The following DSCAM variants were observed in gnomAD, a reference collection of about 807,000 sequenced individuals.
DSCAM encodes the protein DS cell adhesion molecule, also known as cell adhesion molecule DSCAM.
In DSCAM, 47 loss-of-function variants were observed where a neutral mutation model predicts 217.7. The ratio of observed to expected loss-of-function variants is 0.22; its 90% CI spans 0.17 to 0.28. The LOEUF (loss-of-function observed/expected upper bound fraction) is 0.28, where lower values mean the gene tolerates loss of function less well. DSCAM is among the 10% of genes least tolerant of loss of function. The pLI is 1.00. For synonymous variants in DSCAM, 1,056 were observed against 1,015.3 expected (o/e 1.04, Z -0.76); for missense variants, 2,080 against 2,618.3 (o/e 0.79, Z 4.49).
intron 11 of DSCAM, among the ~76,000 whole-genome samples, chr21:40,210,995 C>T (rs2091177110): frequency 6.6e-6 from 1 of 152,226 alleles, no homozygotes; most frequent in African/African-American, 2.4e-5. Context: ...AGAAGAATTC[C>T]TTATTCCTAT....
intron 1 of DSCAM, among the ~76,000 whole-genome samples, chr21:40,737,458 T>C (rs992440057): frequency 4.6e-5 from 7 of 152,020 alleles, no homozygotes; most frequent in African/African-American, 1.7e-4. Context: ...GCCAACATGG[T>C]GAATCCCCAT....
Position 40,725,972 on chromosome 21 carries a change from G to A in DSCAM, c.44-17201C>T, listed in dbSNP as rs573212196. Among the ~76,000 whole-genome samples the A allele has an allele frequency of 7.2e-5, 11 of 152,236 alleles. No homozygotes were observed. In the East Asian group the frequency reaches 2.1e-3, roughly 29 times the overall value. ...AATTAAAAGGTTGCAAACTCAGAAA[G>A]AACATACGATATCCAGAAAACAGAC... On this transcript the variant is annotated intron_variant, in intron 1 of 32. Transcript: ENST00000400454.
chr21:40,035,803 A>G (rs1436632301), intron 32 of DSCAM, among the ~76,000 whole-genome samples: 1 of 145,624 alleles, frequency 6.9e-6, no homozygotes, highest in African/African-American at 2.7e-5. Flanking sequence ...AACAGAAATT[A>G]TAACAAACTA....
At chr21:40,150,718 T>C (rs998410228) in intron 16 of DSCAM, among the ~76,000 whole-genome samples, 2 of 152,172 alleles carry the variant, frequency 1.3e-5, no homozygotes, top group East Asian at 1.9e-4. Context: ...AACTGGAAAA[T>C]TGTTTTGAAT....
intron 3 of DSCAM, among the ~76,000 whole-genome samples, chr21:40,565,495 G>A (rs1435833734): frequency 6.6e-6 from 1 of 152,124 alleles, no homozygotes; most frequent in Admixed American, 6.5e-5. Context: ...ATAGAAATAG[G>A]TCACACATAA....
At chr21:40,291,402 C>T (rs1021659950) in intron 10 of DSCAM, among the ~76,000 whole-genome samples, 1 of 152,202 alleles carries the variant, frequency 6.6e-6, no homozygotes, top group Non-Finnish European at 1.5e-5. Flanking sequence ...GAAGAGACCG[C>T]ATCACCATCA....
intron 9 of DSCAM, among the ~76,000 whole-genome samples, chr21:40,299,928 G>A (rs1431686483): frequency 1.3e-5 from 2 of 152,102 alleles, no homozygotes; most frequent in African/African-American, 4.8e-5. Context: ...CCCCCACAAG[G>A]AGTCACTTAG....
At chr21:40,754,724 C>T (rs941509072) in intron 1 of DSCAM, among the ~76,000 whole-genome samples, 2 of 152,214 alleles carry the variant, frequency 1.3e-5, no homozygotes, top group Non-Finnish European at 2.9e-5. Flanking sequence ...AAGGAGGTGA[C>T]AGGCTCCAGG....
intron 3 of DSCAM, among the ~76,000 whole-genome samples, chr21:40,583,416 C>T (rs576884145): frequency 6.6e-6 from 1 of 152,072 alleles, no homozygotes; most frequent in Non-Finnish European, 1.5e-5. Flanking sequence ...CCCACAGACA[C>T]GAATATGCTT....
At chr21:40,241,468 A>G (rs752355590) in intron 11 of DSCAM, among the ~76,000 whole-genome samples, 23 of 152,362 alleles carry the variant, frequency 1.5e-4, no homozygotes, top group East Asian at 9.6e-4. Context: ...AATAGCTATT[A>G]TTAAAAAGTC....
chr21:40,450,763 C>T (rs936553715), intron 3 of DSCAM, among the ~76,000 whole-genome samples: 18 of 152,150 alleles, frequency 1.2e-4, no homozygotes, highest in African/African-American at 4.1e-4. Context: ...GTTGTTGCTG[C>T]TTTTTAATGA....
chr21:40,054,742 G>A (rs562629692), intron 29 of DSCAM, among the ~76,000 whole-genome samples: 1 of 152,300 alleles, frequency 6.6e-6, no homozygotes, highest in Non-Finnish European at 1.5e-5. Flanking sequence ...GAAGCAGGTG[G>A]CCTGCTGCTG....
At chr21:40,570,232 G>C (rs1382044797) in intron 3 of DSCAM, among the ~76,000 whole-genome samples, 1 of 152,226 alleles carries the variant, frequency 6.6e-6, no homozygotes, top group African/African-American at 2.4e-5. Context: ...AAGATTCAAA[G>C]AGTCTGGCTG....
chr21:40,201,205 G>A (rs2091066098), intron 11 of DSCAM, among the ~76,000 whole-genome samples: 2 of 152,030 alleles, frequency 1.3e-5, no homozygotes. Flanking sequence ...ATGTGTCAGG[G>A]GAAAGACGAA....
At chr21:40,323,320 T>C (rs1220216695) in intron 8 of DSCAM, among the ~76,000 whole-genome samples, 6 of 152,066 alleles carry the variant, frequency 3.9e-5, no homozygotes, top group Admixed American at 3.9e-4. Flanking sequence ...ACAGCAAAAA[T>C]GCATGCACCA....
chr21:40,088,118 G>A (rs887402683), intron 21 of DSCAM, among the ~76,000 whole-genome samples: 8 of 152,148 alleles, frequency 5.3e-5, no homozygotes, highest in South Asian at 2.1e-4. Flanking sequence ...ACAGGAGCCC[G>A]GGGCTTCTCC....
intron 1 of DSCAM, among the ~76,000 whole-genome samples, chr21:40,732,058 C>T (rs2091018221): frequency 6.6e-6 from 1 of 152,124 alleles, no homozygotes; most frequent in South Asian, 2.1e-4. Flanking sequence ...CCCATCTCCA[C>T]ATACAATCAC....
chr21:40,402,665 CTTTTT>C (rs1204900555), intron 3 of DSCAM, among the ~76,000 whole-genome samples: 1 of 144,942 alleles, frequency 6.9e-6, no homozygotes, highest in Non-Finnish European at 1.5e-5. Flanking sequence ...TTGACATTGT[CTTTTT>C]TATTTGTTTT....
At chr21:40,281,609 C>T (rs143231483) in intron 10 of DSCAM, among the ~76,000 whole-genome samples, 3 of 152,324 alleles carry the variant, frequency 2.0e-5, no homozygotes, top group East Asian at 1.9e-4. Flanking sequence ...TTATCTCCTT[C>T]AGTGCTAGCT....
Sources: gnomAD v4.1 joint callset for allele counts (sites outside exome capture counted in the v4.1 genomes callset) on GRCh38, gnomAD v4.1.1 for gene constraint, MANE v1.5 for transcripts, NCBI Gene and HGNC (gene_info 2026-07-23, HGNC 2026-07-21) for gene names.